UBAP2: variants seen among roughly 807,000 people sequenced by gnomAD.
UBAP2 encodes the protein ubiquitin associated protein 2, also known as ubiquitin-associated protein 2.
A neutral mutation model predicts 139.6 loss-of-function variants in UBAP2; 75 were observed. The ratio of observed to expected loss-of-function variants is 0.54; its 90% CI spans 0.45 to 0.65. The LOEUF (loss-of-function observed/expected upper bound fraction) is 0.65. Among genes scored for constraint, UBAP2 ranks in the 30% least tolerant of loss-of-function variants. The probability of loss-of-function intolerance (pLI) is 0.00; values close to 1 mark genes in which losing one functional copy is unlikely to be tolerated. For missense variants in UBAP2, 1,368 were observed against 1,369.6 expected (o/e 1.00, Z 0.02); for synonymous variants, 526 against 526.2 (o/e 1.00, Z 0.01).
intron 2 of UBAP2, among the ~76,000 whole-genome samples, chr9:34,010,858 T>G (rs1432842923): frequency 1.3e-5 from 2 of 152,128 alleles, no homozygotes; most frequent in African/African-American, 4.8e-5. Flanking sequence ...TTCAAGACAT[T>G]TCAGACAGAA....
At chr9:34,034,413 T>C (rs1421340829) in intron 1 of UBAP2, among the ~76,000 whole-genome samples, 1 of 152,156 alleles carries the variant, frequency 6.6e-6, no homozygotes, top group Non-Finnish European at 1.5e-5. Flanking sequence ...CTTAAAAATG[T>C]CTGTTACCTA....
chr9:33,973,706 T>C (rs2131063759), intron 6 of UBAP2, among the ~76,000 whole-genome samples: 1 of 152,294 alleles, frequency 6.6e-6, no homozygotes, highest in East Asian at 1.9e-4. Context: ...GAGAAAATTA[T>C]GACTAGCACC....
chr9:34,044,791 G>A (rs1285381472), intron 1 of UBAP2, among the ~76,000 whole-genome samples: 2 of 151,440 alleles, frequency 1.3e-5, no homozygotes, highest in African/African-American at 2.4e-5. Flanking sequence ...ACTTGAACCC[G>A]GTGGGCAGAG....
chr9:33,971,825 T>C, intron 7 of UBAP2, 71 bp from the exon 8 acceptor site: 2 of 896,000 alleles, frequency 2.2e-6, no homozygotes, highest in Non-Finnish European at 3.7e-6. Context: ...TAACCATACA[T>C]GATCTTCCAC....
chr9:33,995,466 T>C (rs1254911476), intron 4 of UBAP2: 1 of 139,290 alleles, frequency 7.2e-6, no homozygotes. Context: ...TAATATATAT[T>C]AAATATATAA....
At chr9:34,015,939 G>T (rs1021732772) in intron 2 of UBAP2, among the ~76,000 whole-genome samples, 1 of 152,104 alleles carries the variant, frequency 6.6e-6, no homozygotes, top group Non-Finnish European at 1.5e-5. Flanking sequence ...AAAGTGTTGA[G>T]ATTACAGACA....
chr9:33,933,636 A>C lies in UBAP2; in HGVS notation c.1970-8T>G. 6.2e-7 allele frequency: 1 copy of C among 1,613,400 alleles called. No homozygotes were observed. Among genetic ancestry groups the C allele is most frequent in the Non-Finnish European group, 8.5e-7 (1 of 1,179,758 alleles). On this transcript the variant is annotated splice_polypyrimidine_tract_variant and splice_region_variant and intron_variant, in intron 17 of 28. Transcript: ENST00000379238. ...GGCCTGTTGTCTTTGGAGCTGGAAC[A>C]GATGAAGTAGCTGTAAGAAGCAGAT...
At chr9:33,982,605 T>G (rs1441130557) in intron 6 of UBAP2, among the ~76,000 whole-genome samples, 8 of 152,228 alleles carry the variant, frequency 5.3e-5, no homozygotes, top group Non-Finnish European at 1.2e-4. Flanking sequence ...GAAAATTATA[T>G]GAACAGCCAC....
chr9:34,032,077 C>T lies in UBAP2; in HGVS notation c.-41-14888G>A, dbSNP rs560873220. On this transcript the variant is annotated intron_variant, in intron 1 of 28. Coordinates refer to ENST00000379238, the MANE Select transcript of UBAP2 (RefSeq NM_001370062.2). ...GGAGGATTGCTTGATCCCAGGATTT[C>T]GAGGCTACAGTGAGCTATGATCAGC... Among the ~76,000 whole-genome samples, 12 of 152,074 alleles carry T rather than the reference C, an allele frequency of 7.9e-5. No homozygotes were observed. In the South Asian group the frequency reaches 2.3e-3, roughly 29 times the overall value.
At chr9:34,007,357 A>C (rs1823308787) in intron 2 of UBAP2, among the ~76,000 whole-genome samples, 1 of 151,944 alleles carries the variant, frequency 6.6e-6, no homozygotes, top group Non-Finnish European at 1.5e-5. Flanking sequence ...TTAGCCAAGT[A>C]TGGAAGTGCA....
At chr9:33,986,915 G>A in intron 5 of UBAP2, 78 bp from the exon 6 acceptor site, 1 of 1,242,770 alleles carries the variant, frequency 8.0e-7, no homozygotes, top group South Asian at 1.2e-5. Flanking sequence ...ACCTATTAAA[G>A]GCAAAGAAGG....
At chr9:33,986,986 G>T in intron 5 of UBAP2, 149 bp from the exon 6 acceptor site, 1 of 720,494 alleles carries the variant, frequency 1.4e-6, no homozygotes, top group Non-Finnish European at 2.4e-6. Flanking sequence ...AAAAACAAAA[G>T]TGACTTAAAA....
At chr9:34,036,221 TCTC>T (rs879550081) in intron 1 of UBAP2, among the ~76,000 whole-genome samples, 18 of 151,648 alleles carry the variant, frequency 1.2e-4, no homozygotes, top group African/African-American at 3.2e-4. Context: ...TTCAAACGAT[TCTC>T]CTCCTCCTCA....
At chr9:34,040,496 A>G (rs192892879) in intron 1 of UBAP2, among the ~76,000 whole-genome samples, 174 of 152,292 alleles carry the variant, frequency 1.1e-3, no homozygotes, top group Admixed American at 0.011. Flanking sequence ...CTACAATCCC[A>G]GCACTTTGTG....
chr9:34,045,251 C>T (rs1827471798), intron 1 of UBAP2, among the ~76,000 whole-genome samples: 1 of 149,248 alleles, frequency 6.7e-6, no homozygotes, highest in South Asian at 2.1e-4. Flanking sequence ...GAGGCTGAGG[C>T]AGGAAAATGG....
At chr9:34,043,872 A>C (rs967432353) in intron 1 of UBAP2, among the ~76,000 whole-genome samples, 1 of 151,372 alleles carries the variant, frequency 6.6e-6, no homozygotes, top group East Asian at 1.9e-4. Context: ...CCACAACTGT[A>C]ATCTCAGCAC....
At chr9:34,046,081 CA>C (rs1201486224) in intron 1 of UBAP2, among the ~76,000 whole-genome samples, 2 of 151,882 alleles carry the variant, frequency 1.3e-5, no homozygotes, top group African/African-American at 4.9e-5. Flanking sequence ...CTCAAAATAA[CA>C]ACTAAGAATG....
At chr9:33,964,435 T>A (rs989984967) in intron 8 of UBAP2, among the ~76,000 whole-genome samples, 3 of 152,146 alleles carry the variant, frequency 2.0e-5, no homozygotes, top group Admixed American at 2.0e-4. Flanking sequence ...GAGAAAATTT[T>A]AAAAAAAGTA....
intron 10 of UBAP2, among the ~76,000 whole-genome samples, chr9:33,958,536 T>G (rs1826757401): frequency 6.6e-6 from 1 of 151,692 alleles, no homozygotes. Flanking sequence ...GTCTCCCAAG[T>G]AATTGGAATT....
Sources: gnomAD v4.1 joint callset for allele counts (sites outside exome capture counted in the v4.1 genomes callset) on GRCh38, gnomAD v4.1.1 for gene constraint, MANE v1.5 for transcripts, NCBI Gene and HGNC (gene_info 2026-07-23, HGNC 2026-07-21) for gene names.